NRG3: variants seen among roughly 807,000 people sequenced by gnomAD.
NRG3 encodes the protein neuregulin 3, also known as pro-neuregulin-3, membrane-bound isoform.
A neutral mutation model predicts 66.9 loss-of-function variants in NRG3; 31 were observed. That is an observed-to-expected ratio of 0.46 (90% confidence interval 0.35 to 0.63). The LOEUF is 0.63. Among genes scored for constraint, NRG3 ranks in the 20% least tolerant of loss-of-function variants. The probability of loss-of-function intolerance (pLI) is 0.00; values close to 1 mark genes in which losing one functional copy is unlikely to be tolerated. For missense variants in NRG3, 910 were observed against 878.9 expected (o/e 1.04, Z -0.45); for synonymous variants, 393 against 359.4 (o/e 1.09, Z -1.06).
chr10:82,461,325 CCACCACCACCAT>C (rs2091504523), intron 2 of NRG3, among the ~76,000 whole-genome samples: 1 of 151,826 alleles, frequency 6.6e-6, no homozygotes, highest in Non-Finnish European at 1.5e-5. Flanking sequence ...ACCATCACCA[CCACCACCACCAT>C]CACCACCACC....
intron 3 of NRG3, among the ~76,000 whole-genome samples, chr10:82,839,281 G>T (rs935552151): frequency 6.6e-6 from 1 of 152,176 alleles, no homozygotes; most frequent in African/African-American, 2.4e-5. Context: ...TATTCAGCTA[G>T]TAACAAGTGC....
chr10:82,557,360 T>C (rs1183643929), intron 2 of NRG3, among the ~76,000 whole-genome samples: 2 of 152,200 alleles, frequency 1.3e-5, no homozygotes, highest in African/African-American at 4.8e-5. Context: ...CTCACTGTGA[T>C]TTTGATTTGC....
At chr10:82,825,530 C>T (rs1293355543) in intron 3 of NRG3, among the ~76,000 whole-genome samples, 1 of 152,126 alleles carries the variant, frequency 6.6e-6, no homozygotes, top group African/African-American at 2.4e-5. Flanking sequence ...CACAGCTGTC[C>T]AGGCAGGGTT....
intron 1 of NRG3, among the ~76,000 whole-genome samples, chr10:82,241,600 G>A (rs1329536284): frequency 1.3e-5 from 2 of 152,064 alleles, no homozygotes; most frequent in Non-Finnish European, 1.5e-5. Context: ...ATGGCAAAAG[G>A]TGTAAGTCCG....
At chr10:82,186,239 A>C (rs967237500) in intron 1 of NRG3, among the ~76,000 whole-genome samples, 1 of 152,306 alleles carries the variant, frequency 6.6e-6, no homozygotes, top group East Asian at 1.9e-4. Context: ...ACATCTCCAC[A>C]TACCAACTTA....
intron 2 of NRG3, among the ~76,000 whole-genome samples, chr10:82,702,759 C>T (rs2134305663): frequency 6.6e-6 from 1 of 152,156 alleles, no homozygotes; most frequent in East Asian, 1.9e-4. Context: ...TTGAGTGATC[C>T]AGATGTACTG....
At chr10:82,574,805 A>G (rs558854342) in intron 2 of NRG3, among the ~76,000 whole-genome samples, 6 of 151,952 alleles carry the variant, frequency 3.9e-5, no homozygotes, top group African/African-American at 1.4e-4. Context: ...CTTAAACATT[A>G]TGTAAATGAA....
chr10:82,602,457 C>G (rs2133409825), intron 2 of NRG3, among the ~76,000 whole-genome samples: 1 of 152,038 alleles, frequency 6.6e-6, no homozygotes, highest in African/African-American at 2.4e-5. Context: ...AATTCTTATA[C>G]ATAGATTATA....
intron 3 of NRG3, among the ~76,000 whole-genome samples, chr10:82,808,562 T>TTAGA (rs925581775): frequency 1.3e-5 from 2 of 152,180 alleles, no homozygotes; most frequent in Non-Finnish European, 2.9e-5. Context: ...ATTAACTTTT[T>TTAGA]TAGATAGCCT....
chr10:81,921,931 G>A (rs1040671), intron 1 of NRG3, among the ~76,000 whole-genome samples: 44,537 of 151,906 alleles, frequency 0.29, 7,351 homozygotes, highest in East Asian at 0.59. Context: ...CTCTATTCAA[G>A]CCTTCTTTTC....
In NRG3 at chr10:82,741,257, A is replaced by G. The variant is rs1386375878; in HGVS notation, c.1027+2607A>G. Among the ~76,000 whole-genome samples the G allele has an allele frequency of 2.6e-5, 4 of 152,248 alleles. No homozygotes were observed. In the East Asian group the frequency reaches 7.7e-4, roughly 29 times the overall value. Reference sequence around the variant, plus strand: ...TAATTGGTCAGGCTCTGTTAATACAAAAGTGTGCAAACAGGATTTAGGCCC... The same window carrying G: ...TAATTGGTCAGGCTCTGTTAATACAGAAGTGTGCAAACAGGATTTAGGCCC... On this transcript the variant is annotated intron_variant, in intron 3 of 8. Transcript: ENST00000372141.
chr10:81,902,338 G>T (rs966571575), intron 1 of NRG3, among the ~76,000 whole-genome samples: 4 of 152,176 alleles, frequency 2.6e-5, no homozygotes, highest in African/African-American at 7.2e-5. Context: ...GGACTGTTAT[G>T]TGTTCCCTCA....
chr10:82,160,908 A>G (rs2071544860), intron 1 of NRG3, among the ~76,000 whole-genome samples: 1 of 152,060 alleles, frequency 6.6e-6, no homozygotes, highest in Non-Finnish European at 1.5e-5. Context: ...AAACTAGAAT[A>G]AAATTATATT....
intron 2 of NRG3, among the ~76,000 whole-genome samples, chr10:82,421,672 G>A (rs927044983): frequency 1.3e-5 from 2 of 151,884 alleles, no homozygotes; most frequent in Non-Finnish European, 2.9e-5. Context: ...TCTTTTCGTG[G>A]CCATAGTGAG....
chr10:82,979,761 C>T (rs1360283524), intron 8 of NRG3, among the ~76,000 whole-genome samples: 1 of 152,102 alleles, frequency 6.6e-6, no homozygotes, highest in Non-Finnish European at 1.5e-5. Context: ...GAATGTTAAC[C>T]ATTATCCATG....
chr10:82,687,400 A>C (rs1004463900), intron 2 of NRG3, among the ~76,000 whole-genome samples: 7 of 152,150 alleles, frequency 4.6e-5, no homozygotes, highest in Admixed American at 2.0e-4. Flanking sequence ...ACCATCAGGA[A>C]TATATCAATA....
chr10:81,940,061 A>G (rs1848273331), intron 1 of NRG3, among the ~76,000 whole-genome samples: 1 of 151,932 alleles, frequency 6.6e-6, no homozygotes, highest in Non-Finnish European at 1.5e-5. Flanking sequence ...ATTTTCATCT[A>G]TTTGTGAATT....
intron 2 of NRG3, among the ~76,000 whole-genome samples, chr10:82,615,202 A>G (rs900809689): frequency 2.0e-5 from 3 of 152,186 alleles, no homozygotes; most frequent in African/African-American, 4.8e-5. Context: ...TGTTTCAGTC[A>G]GTCTAGACTA....
intron 4 of NRG3, among the ~76,000 whole-genome samples, chr10:82,942,138 A>T (rs137931411): frequency 3.3e-5 from 5 of 152,120 alleles, no homozygotes; most frequent in African/African-American, 1.2e-4. Context: ...CTCAAGAAGC[A>T]CTAGAATCCT....
Sources: allele counts gnomAD v4.1 joint callset (sites outside exome capture counted in the v4.1 genomes callset), GRCh38; gene constraint gnomAD v4.1.1; transcripts MANE v1.5; gene names NCBI Gene and HGNC (gene_info 2026-07-23, HGNC 2026-07-21).